The following ADAMTSL1 variants were observed in gnomAD, a reference collection of about 807,000 sequenced individuals.
ADAMTSL1 encodes ADAMTS like 1.
Under a neutral mutation model 201.8 loss-of-function variants are expected in ADAMTSL1, and 126 were observed. That is an observed-to-expected ratio of 0.62 (90% CI 0.54 to 0.72). The LOEUF (loss-of-function observed/expected upper bound fraction) is 0.72, where lower values mean the gene tolerates loss of function less well. Among genes scored for constraint, ADAMTSL1 ranks in the 30% least tolerant of loss-of-function variants. The pLI, the probability that ADAMTSL1 is intolerant of heterozygous loss-of-function variation, is 0.00. For synonymous variants in ADAMTSL1, 1,121 were observed against 903.4 expected (o/e 1.24, Z -4.32); for missense variants, 2,679 against 2,277.8 (o/e 1.18, Z -3.59).
chr9:18,880,248 G>T (rs1828443505), intron 23 of ADAMTSL1, among the ~76,000 whole-genome samples: 1 of 152,112 alleles, frequency 6.6e-6, no homozygotes, highest in Admixed American at 6.5e-5. Flanking sequence ...CTCCTCCCAT[G>T]AATCATGAAT....
chr9:17,957,940 C>T (rs1198255765), intron 1 of ADAMTSL1, among the ~76,000 whole-genome samples: 1 of 152,140 alleles, frequency 6.6e-6, no homozygotes, highest in East Asian at 1.9e-4. Flanking sequence ...GGACATCTAG[C>T]CTCCATGACT....
intron 2 of ADAMTSL1, among the ~76,000 whole-genome samples, chr9:18,510,795 G>C (rs1817978768): frequency 1.3e-5 from 2 of 151,872 alleles, no homozygotes; most frequent in South Asian, 4.2e-4. Context: ...ACTGGTGCTT[G>C]ATGATGGACA....
At chr9:18,300,915 T>C (rs983582690) in intron 2 of ADAMTSL1, among the ~76,000 whole-genome samples, 1 of 152,176 alleles carries the variant, frequency 6.6e-6, no homozygotes, top group Non-Finnish European at 1.5e-5. Context: ...TGAGACTATA[T>C]TGAGAGACAT....
At chr9:18,886,988 A>T (rs1243666050) in intron 23 of ADAMTSL1, among the ~76,000 whole-genome samples, 1 of 145,944 alleles carries the variant, frequency 6.9e-6, no homozygotes, top group Non-Finnish European at 1.5e-5. Flanking sequence ...TACCAAACAG[A>T]TGTTTTTCTA....
At chr9:18,628,686 T>C (rs769079916) in intron 5 of ADAMTSL1, among the ~76,000 whole-genome samples, 4 of 152,186 alleles carry the variant, frequency 2.6e-5, no homozygotes, top group Non-Finnish European at 5.9e-5. Flanking sequence ...ATCTTTAGCA[T>C]GTTAAGTCAC....
intron 2 of ADAMTSL1, among the ~76,000 whole-genome samples, chr9:18,170,529 T>A (rs1827842058): frequency 6.6e-6 from 1 of 151,968 alleles, no homozygotes. Context: ...AACGAATAAC[T>A]CAAAGATATA....
At chr9:18,098,114 C>A (rs1339215275) in intron 1 of ADAMTSL1, among the ~76,000 whole-genome samples, 1 of 151,656 alleles carries the variant, frequency 6.6e-6, no homozygotes, top group Non-Finnish European at 1.5e-5. Flanking sequence ...TTACATTAGC[C>A]TTTGTAAAAA....
chr9:18,435,166 C>T (rs1380749258), intron 2 of ADAMTSL1, among the ~76,000 whole-genome samples: 1 of 152,174 alleles, frequency 6.6e-6, no homozygotes, highest in African/African-American at 2.4e-5. Flanking sequence ...AGGCTTATTG[C>T]TCACACAGTT....
intron 2 of ADAMTSL1, among the ~76,000 whole-genome samples, chr9:18,255,028 G>A (rs984055666): frequency 7.9e-5 from 12 of 152,100 alleles, no homozygotes; most frequent in African/African-American, 2.7e-4. Flanking sequence ...ATTTGCAAAT[G>A]ATATTGCATT....
chr9:18,390,312 C>G (rs777619110), intron 2 of ADAMTSL1, among the ~76,000 whole-genome samples: 1 of 152,128 alleles, frequency 6.6e-6, no homozygotes, highest in Admixed American at 6.5e-5. Context: ...CACACTGACA[C>G]GTAGGGCATG....
At chr9:18,512,060 G>T (rs76417928) in intron 2 of ADAMTSL1, among the ~76,000 whole-genome samples, 4 of 152,234 alleles carry the variant, frequency 2.6e-5, no homozygotes, top group Middle Eastern at 3.4e-3. Context: ...TTCAGAGTGG[G>T]TATGACTACT....
At chr9:18,747,034 A>C (rs1354954095) in intron 15 of ADAMTSL1, among the ~76,000 whole-genome samples, 1 of 152,202 alleles carries the variant, frequency 6.6e-6, no homozygotes, top group East Asian at 1.9e-4. Flanking sequence ...TTATTTAGAA[A>C]TAGATCTGTC....
chr9:18,280,873 C>CTTTT (rs138455491), intron 2 of ADAMTSL1, among the ~76,000 whole-genome samples: 26 of 131,842 alleles, frequency 2.0e-4, no homozygotes, highest in Non-Finnish European at 3.0e-4. Flanking sequence ...CTGCATTCCG[C>CTTTT]TTTTTTTTTT....
intron 2 of ADAMTSL1, among the ~76,000 whole-genome samples, chr9:18,293,508 A>C (rs926897301): frequency 6.6e-6 from 1 of 152,202 alleles, no homozygotes; most frequent in Non-Finnish European, 1.5e-5. Context: ...TGCTGGTAGC[A>C]CAGGCCCTGG....
intron 2 of ADAMTSL1, among the ~76,000 whole-genome samples, chr9:18,276,467 A>G (rs534802647): frequency 6.6e-6 from 1 of 152,272 alleles, no homozygotes; most frequent in South Asian, 2.1e-4. Flanking sequence ...TTATAGTTTC[A>G]GCTGTTAGGT....
intron 2 of ADAMTSL1, among the ~76,000 whole-genome samples, chr9:18,233,704 T>A (rs1313611082): frequency 6.6e-6 from 1 of 152,148 alleles, no homozygotes; most frequent in Non-Finnish European, 1.5e-5. Flanking sequence ...ATGCTGTCAA[T>A]CCCTAAAGGC....
At chr9:18,207,565 C>T (rs1829704134) in intron 2 of ADAMTSL1, among the ~76,000 whole-genome samples, 1 of 152,142 alleles carries the variant, frequency 6.6e-6, no homozygotes, top group African/African-American at 2.4e-5. Context: ...TTTAACATTG[C>T]ATGATTCTCC....
intron 1 of ADAMTSL1, among the ~76,000 whole-genome samples, chr9:18,079,498 C>A (rs773862043): frequency 6.6e-6 from 1 of 151,752 alleles, no homozygotes; most frequent in Non-Finnish European, 1.5e-5. Flanking sequence ...CTGGCTAACA[C>A]GGTGAAACCC....
intron 1 of ADAMTSL1, among the ~76,000 whole-genome samples, chr9:17,971,302 C>T (rs1036047580): frequency 2.0e-5 from 3 of 152,012 alleles, no homozygotes; most frequent in Non-Finnish European, 4.4e-5. Flanking sequence ...AGTTTCTTGT[C>T]TATTCAACTG....
Sources: allele counts gnomAD v4.1 joint callset (sites outside exome capture counted in the v4.1 genomes callset), GRCh38; gene constraint gnomAD v4.1.1; transcripts MANE v1.5; gene names NCBI Gene and HGNC (gene_info 2026-07-23, HGNC 2026-07-21).